Variants in SBF2 observed in about 807,000 individuals in gnomAD.
SBF2 encodes the protein myotubularin-related protein 13.
In SBF2, 112 loss-of-function variants were observed where a neutral mutation model predicts 225.2. The observed-to-expected ratio is 0.50, with a 90% CI of 0.43 to 0.58. The LOEUF (loss-of-function observed/expected upper bound fraction) is 0.58, where lower values mean the gene tolerates loss of function less well. SBF2 is among the 20% of genes least tolerant of loss of function. SBF2 has a pLI of 0.00. For missense variants in SBF2, 1,996 were observed against 2,206.2 expected (o/e 0.90, Z 1.91); for synonymous variants, 763 against 773.3 (o/e 0.99, Z 0.22).
intron 13 of SBF2, among the ~76,000 whole-genome samples, chr11:9,986,016 T>C (rs531519572): frequency 3.1e-4 from 47 of 152,276 alleles, no homozygotes; most frequent in Non-Finnish European, 5.3e-4. Context: ...TTCTCCAAGA[T>C]AGACCATATC....
At position 10,104,653 on chromosome 11, in the gene SBF2, A is replaced by G. The variant is rs970363268; in HGVS notation, c.142-61672T>C. 2.0e-5 allele frequency among the ~76,000 whole-genome samples: 3 copies of G among 152,162 alleles called. No individual in the cohort carries two copies. The East Asian group carries it at 5.8e-4, about 29-fold the overall frequency. The stretch of plus-strand genomic sequence containing the variant: ...TTTTCTTGGAAACTGTAAGCATTAA[A>G]CAGTCTCCAGAGTTCCAAAATAGTC... On this transcript the variant is annotated intron_variant, in intron 2 of 39. Transcript: ENST00000256190.
At chr11:10,082,043 G>T (rs1951388633) in intron 2 of SBF2, among the ~76,000 whole-genome samples, 1 of 152,040 alleles carries the variant, frequency 6.6e-6, no homozygotes, top group Admixed American at 6.6e-5. Flanking sequence ...AAAAGAAAAA[G>T]GAGACATTGC....
chr11:10,164,513 G>A (rs1053799666), intron 2 of SBF2, among the ~76,000 whole-genome samples: 4 of 152,168 alleles, frequency 2.6e-5, no homozygotes, highest in African/African-American at 4.8e-5. Flanking sequence ...GTCAAAGACA[G>A]TAGCTGAATC....
In SBF2 at chr11:9,779,030, G is replaced by C. The variant is rs1448512013; in HGVS notation, c.*1388C>G. On this transcript the variant is annotated 3_prime_UTR_variant, in exon 40 of 40. Coordinates refer to ENST00000256190, the MANE Select transcript of SBF2 (RefSeq NM_030962.4). ...TTTATAAAATGGAAATGATAGAAAA[G>C]TCCTTCATTCTTAATTATCCCCAGA... 1 of 152,582 alleles carries C rather than the reference G, an allele frequency of 6.6e-6. No homozygotes were observed. The highest frequency in any genetic ancestry group is 1.5e-5 in the Non-Finnish European group (1 of 68,024). The allele number at this position is 152,582 out of a possible 1,614,324, so 9.5% of individuals were successfully genotyped here. A position where few individuals can be genotyped will look rare whatever the true frequency, so the allele number is the denominator to read the frequency against.
At chr11:10,232,317 C>T (rs1591273317) in intron 1 of SBF2, among the ~76,000 whole-genome samples, 1 of 152,220 alleles carries the variant, frequency 6.6e-6, no homozygotes, top group African/African-American at 2.4e-5. Flanking sequence ...CACTATCCTG[C>T]ACCCACTGTC....
At chr11:9,980,289 T>A (rs1232356974) in intron 13 of SBF2, among the ~76,000 whole-genome samples, 22 of 105,860 alleles carry the variant, frequency 2.1e-4, no homozygotes, top group African/African-American at 6.6e-4. Flanking sequence ...CTCTTGTAAT[T>A]AAAAAAAAAA....
At chr11:10,096,147 C>T (rs1280543229) in intron 2 of SBF2, among the ~76,000 whole-genome samples, 1 of 152,100 alleles carries the variant, frequency 6.6e-6, no homozygotes. Context: ...TCTCTCCATA[C>T]TTTAAAAATA....
intron 17 of SBF2, among the ~76,000 whole-genome samples, chr11:9,868,082 A>G (rs1858382007): frequency 6.6e-6 from 1 of 152,192 alleles, no homozygotes; most frequent in Non-Finnish European, 1.5e-5. Context: ...ACCATTACAC[A>G]CCGTATACAT....
chr11:10,132,679 T>C (rs1393381930), intron 2 of SBF2, among the ~76,000 whole-genome samples: 1 of 148,786 alleles, frequency 6.7e-6, no homozygotes, highest in Non-Finnish European at 1.5e-5. Flanking sequence ...CAAGATTTAT[T>C]GCAAAGAACG....
chr11:9,807,445 T>C (rs940230636), intron 32 of SBF2, among the ~76,000 whole-genome samples: 1 of 152,236 alleles, frequency 6.6e-6, no homozygotes, highest in Non-Finnish European at 1.5e-5. Context: ...CCTCCAGCTA[T>C]ATCCATGTCA....
At chr11:9,793,645 C>A (rs1442052244) in intron 33 of SBF2, among the ~76,000 whole-genome samples, 1 of 130,060 alleles carries the variant, frequency 7.7e-6, no homozygotes, top group African/African-American at 2.5e-5. Context: ...CCACCTTGGC[C>A]TCCTCAAAGT....
At chr11:10,013,283 A>G (rs1483795686) in intron 6 of SBF2, among the ~76,000 whole-genome samples, 2 of 152,164 alleles carry the variant, frequency 1.3e-5, no homozygotes, top group African/African-American at 4.8e-5. Context: ...CATGGGTTTT[A>G]GCCCTCCATC....
At chr11:10,093,763 G>C (rs1951885119) in intron 2 of SBF2, among the ~76,000 whole-genome samples, 1 of 152,164 alleles carries the variant, frequency 6.6e-6, no homozygotes, top group Admixed American at 6.5e-5. Context: ...AAATACCTTT[G>C]TGTACAGTAA....
chr11:10,066,800 C>T (rs959897144), intron 2 of SBF2, among the ~76,000 whole-genome samples: 3 of 152,036 alleles, frequency 2.0e-5, no homozygotes, highest in Non-Finnish European at 2.9e-5. Flanking sequence ...GGAAGGAACC[C>T]GATTGCTGAA....
At chr11:10,006,592 A>C (rs55905435) in intron 6 of SBF2, among the ~76,000 whole-genome samples, 8,079 of 152,230 alleles carry the variant, frequency 0.053, 301 homozygotes, top group Middle Eastern at 0.16. Flanking sequence ...TCCTACATCA[A>C]GCCCTAAGTC....
At chr11:9,995,037 T>A (rs1309661272) in intron 9 of SBF2, among the ~76,000 whole-genome samples, 2 of 58,034 alleles carry the variant, frequency 3.4e-5, no homozygotes, top group Non-Finnish European at 8.0e-5. Flanking sequence ...CAAGACTCTG[T>A]CTCAAAAAAA....
At chr11:9,792,531 G>A (rs1852816904) in intron 33 of SBF2, among the ~76,000 whole-genome samples, 1 of 152,118 alleles carries the variant, frequency 6.6e-6, no homozygotes, top group Admixed American at 6.5e-5. Context: ...GTTACCACAG[G>A]TGTTCCTAAA....
chr11:9,827,539 A>G (rs1276023959), intron 28 of SBF2, among the ~76,000 whole-genome samples: 1 of 152,166 alleles, frequency 6.6e-6, no homozygotes, highest in Non-Finnish European at 1.5e-5. Context: ...TCTTAAAAAA[A>G]AAAAAAAAAG....
At chr11:9,808,584 G>C in intron 31 of SBF2, 1 of 406,942 alleles carries the variant, frequency 2.5e-6, no homozygotes, top group Non-Finnish European at 4.6e-6. Flanking sequence ...GGCTTATAGA[G>C]AGCCAGGGGA....
Sources: allele counts gnomAD v4.1 joint callset (sites outside exome capture counted in the v4.1 genomes callset), GRCh38; gene constraint gnomAD v4.1.1; transcripts MANE v1.5; gene names NCBI Gene and HGNC (gene_info 2026-07-23, HGNC 2026-07-21).